The following NCOR1 variants were observed in gnomAD, a reference collection of about 807,000 sequenced individuals.
NCOR1 encodes nuclear receptor corepressor 1.
Under a neutral mutation model 288.1 loss-of-function variants are expected in NCOR1, and 63 were observed. The observed-to-expected ratio is 0.22, with a 90% CI of 0.18 to 0.27. The LOEUF (loss-of-function observed/expected upper bound fraction) is 0.27. Ranked by LOEUF, NCOR1 falls within the 10% of genes least tolerant of loss-of-function variation. NCOR1 has a pLI of 1.00. For missense variants in NCOR1, 2,397 were observed against 3,019.2 expected (o/e 0.79, Z 4.83); for synonymous variants, 1,007 against 1,065.9 (o/e 0.94, Z 1.08).
chr17:16,111,734 A>G (rs1325371438), intron 18 of NCOR1, among the ~76,000 whole-genome samples: 1 of 152,064 alleles, frequency 6.6e-6, no homozygotes, highest in Non-Finnish European at 1.5e-5. Flanking sequence ...TAGACACTGG[A>G]CTCACCAACC....
chr17:16,211,192 G>A (rs779684401), intron 1 of NCOR1, among the ~76,000 whole-genome samples: 9 of 152,016 alleles, frequency 5.9e-5, no homozygotes, highest in South Asian at 2.1e-4. Flanking sequence ...CAGTGTTATC[G>A]AAAGTAAAAC....
chr17:16,045,000 A>G (rs550256109), intron 42 of NCOR1: 22 of 233,044 alleles, frequency 9.4e-5, no homozygotes, highest in South Asian at 8.0e-4. Flanking sequence ...TGAACTTAAG[A>G]AAAAAAAAAA....
intron 11 of NCOR1, among the ~76,000 whole-genome samples, chr17:16,140,736 C>T (rs1465256346): frequency 1.3e-5 from 2 of 152,240 alleles, no homozygotes; most frequent in East Asian, 1.9e-4. Context: ...ATCGCTTGAA[C>T]CTGGGACGCG....
chr17:16,079,605 C>A (rs574180989), intron 26 of NCOR1, among the ~76,000 whole-genome samples: 15 of 152,166 alleles, frequency 9.9e-5, no homozygotes, highest in Middle Eastern at 3.4e-3. Context: ...ACATCTCCAC[C>A]AGGGCAAAAG....
At chr17:16,128,206 T>G (rs1235229496) in intron 14 of NCOR1, among the ~76,000 whole-genome samples, 3 of 152,198 alleles carry the variant, frequency 2.0e-5, no homozygotes, top group Admixed American at 6.5e-5. Context: ...CCACATCATC[T>G]TCGCTGTTCT....
At chr17:16,103,938 A>G (rs2068094902) in intron 19 of NCOR1, among the ~76,000 whole-genome samples, 1 of 152,192 alleles carries the variant, frequency 6.6e-6, no homozygotes, top group Admixed American at 6.5e-5. Context: ...TGAATCCGGG[A>G]AGTGGAGGTT....
chr17:16,196,596 C>T (rs893544074), intron 1 of NCOR1, among the ~76,000 whole-genome samples: 2 of 151,912 alleles, frequency 1.3e-5, no homozygotes, highest in African/African-American at 2.4e-5. Context: ...GAGGCCAAGG[C>T]GGGTGGATCA....
intron 18 of NCOR1, 92 bp from the exon 19 acceptor site, chr17:16,109,004 C>A (rs1275170214): frequency 1.0e-6 from 1 of 989,502 alleles, no homozygotes; most frequent in Non-Finnish European, 1.4e-6. Context: ...TAAGCACACA[C>A]ACACACCAGA....
intron 9 of NCOR1, among the ~76,000 whole-genome samples, chr17:16,147,000 G>A (rs868832871): frequency 2.0e-5 from 3 of 152,214 alleles, no homozygotes; most frequent in Middle Eastern, 3.4e-3. Context: ...CGCTTTAACC[G>A]ATCTATTATT....
At chr17:16,132,854 C>T (rs1165382286) in intron 14 of NCOR1, among the ~76,000 whole-genome samples, 1 of 149,670 alleles carries the variant, frequency 6.7e-6, no homozygotes, top group Non-Finnish European at 1.5e-5. Context: ...TGAGCCACCA[C>T]GTCCAGTCTG....
Position 16,091,746 on chromosome 17 carries a change from C to G in NCOR1, c.3016+117G>C, listed in dbSNP as rs529035377. 5.8e-5 allele frequency: 89 copies of G among 1,546,936 alleles called. No individual in the cohort carries two copies. The South Asian group carries it at 1.1e-3, about 19-fold the overall frequency. The stretch of plus-strand genomic sequence containing the variant: ...ATTTAAGGAACTGTGTCTGTTAGGA[C>G]AAATATAATAATCAGTTGGGAGGCT... On this transcript the variant is annotated intron_variant, in intron 22 of 45. Transcript: ENST00000268712.
chr17:16,070,072 C>T (rs2152718552), intron 31 of NCOR1, 93 bp downstream of exon 31: 1 of 1,457,852 alleles, frequency 6.9e-7, no homozygotes, highest in Non-Finnish European at 9.2e-7. Flanking sequence ...TACTCTAAAG[C>T]TGACAATTTG....
In NCOR1 at chr17:16,091,969, T is replaced by G. The variant is rs1292996441; in HGVS notation, c.2910A>C (p.Ser970=). Reference sequence around the variant, plus strand: ...TCTGCCGCTGCTCCTCCAGGAGTGCTGACTCATGCATTGCTTTAATGTGTC... The same window carrying G: ...TCTGCCGCTGCTCCTCCAGGAGTGCGGACTCATGCATTGCTTTAATGTGTC... The part of the protein sequence containing the change: ...YQRHIKAMHE[S]ALLEEQRQRQ... Residue 970 remains serine, a synonymous_variant, in exon 22 of 46, where the codon TCA becomes TCC. Coordinates refer to ENST00000268712, the MANE Select transcript of NCOR1 (RefSeq NM_006311.4). The G allele has an allele frequency of 3.8e-5, 62 of 1,614,150 alleles. No individual in the cohort carries two copies. The highest frequency in any genetic ancestry group is 5.3e-5 in the African/African-American group (4 of 74,950).
chr17:16,215,331 G>A (rs1389298042), intron 1 of NCOR1, 31 bp downstream of exon 1: 6 of 391,542 alleles, frequency 1.5e-5, no homozygotes, highest in South Asian at 1.4e-4. Context: ...GAGCCCGGAG[G>A]CCGGGGTTGC....
At chr17:16,136,468 A>T (rs571647079) in intron 14 of NCOR1, among the ~76,000 whole-genome samples, 1 of 152,186 alleles carries the variant, frequency 6.6e-6, no homozygotes, top group African/African-American at 2.4e-5. Context: ...CGGGGATTAC[A>T]GGTGTGAGCC....
chr17:16,082,552 T>C (rs987939203), intron 23 of NCOR1, among the ~76,000 whole-genome samples: 4 of 151,382 alleles, frequency 2.6e-5, no homozygotes, highest in Non-Finnish European at 4.4e-5. Flanking sequence ...TCTGTCTCTA[T>C]AAAAAATAAA....
rs1313888569 is a variant in NCOR1 at position 16,058,568 on chromosome 17, A to T, written c.5913T>A (p.Asp1971Glu). The T allele has an allele frequency of 2.5e-6, 4 of 1,612,548 alleles. No homozygotes were observed. The highest frequency in any genetic ancestry group is 2.7e-5 in the African/African-American group (2 of 74,892). Residue 1971 changes from aspartate to glutamate, a missense_variant, in exon 38 of 46, where the codon GAT becomes GAA. Asp to Glu is a conservative substitution (Grantham distance 45). Coordinates refer to ENST00000268712, the MANE Select transcript of NCOR1 (RefSeq NM_006311.4). ...TGGCAGGACTTATCACCTCAATAGCATCGCTAGGTGTTTCATACCTGTGAG... is the reference window on the plus strand; with the variant it reads ...TGGCAGGACTTATCACCTCAATAGCTTCGCTAGGTGTTTCATACCTGTGAG... The part of the protein sequence containing the change: ...LSSHRYETPS[D>E]AIEVISPASS...
intron 3 of NCOR1, among the ~76,000 whole-genome samples, chr17:16,185,384 T>C (rs1048041811): frequency 2.0e-5 from 3 of 151,662 alleles, no homozygotes; most frequent in Non-Finnish European, 4.4e-5. Context: ...ATACACACAA[T>C]TTAAAAAAAA....
chr17:16,156,950 G>C (rs899482401), intron 6 of NCOR1, among the ~76,000 whole-genome samples: 5 of 151,054 alleles, frequency 3.3e-5, no homozygotes, highest in Non-Finnish European at 2.9e-5. Context: ...CAATTTATTT[G>C]AAAAATAATT....
Sources: gnomAD v4.1 joint callset for allele counts (sites outside exome capture counted in the v4.1 genomes callset) on GRCh38, gnomAD v4.1.1 for gene constraint, MANE v1.5 for transcripts, NCBI Gene and HGNC (gene_info 2026-07-23, HGNC 2026-07-21) for gene names.